PTPRT: variants seen among roughly 807,000 people sequenced by gnomAD.
PTPRT encodes protein tyrosine phosphatase receptor type T.
In PTPRT, 56 loss-of-function variants were observed where a neutral mutation model predicts 176.8. The ratio of observed to expected loss-of-function variants is 0.32; its 90% confidence interval spans 0.26 to 0.40. The LOEUF is 0.40. PTPRT is among the 10% of genes least tolerant of loss of function. The pLI is 1.00. For missense variants in PTPRT, 1,540 were observed against 1,908.2 expected (o/e 0.81, Z 3.60); for synonymous variants, 783 against 739.0 (o/e 1.06, Z -0.96).
intron 11 of PTPRT, among the ~76,000 whole-genome samples, chr20:42,348,774 G>A (rs2145505152): frequency 6.6e-6 from 1 of 152,310 alleles, no homozygotes; most frequent in South Asian, 2.1e-4. Context: ...ATGACAGCAT[G>A]TAGGCCTGCT....
chr20:42,069,513 T>A (rs1005519787), downstream of PTPRT, among the ~76,000 whole-genome samples: 1 of 152,218 alleles, frequency 6.6e-6, no homozygotes, highest in East Asian at 1.9e-4. Flanking sequence ...CATCATCTTA[T>A]CTGTTCTGCC....
At chr20:42,437,208 C>A (rs2059269850) in intron 9 of PTPRT, among the ~76,000 whole-genome samples, 1 of 151,996 alleles carries the variant, frequency 6.6e-6, no homozygotes, top group African/African-American at 2.4e-5. Context: ...GAAAAGAGAC[C>A]CATGCACAGA....
intron 1 of PTPRT, among the ~76,000 whole-genome samples, chr20:42,956,421 AGCC>A (rs1981641155): frequency 7.8e-6 from 1 of 127,946 alleles, no homozygotes; most frequent in African/African-American, 4.0e-5. Context: ...CTCCTACTCT[AGCC>A]GTGTGAGACA....
chr20:42,772,462 G>A (rs562345256), intron 4 of PTPRT, among the ~76,000 whole-genome samples: 2 of 152,166 alleles, frequency 1.3e-5, no homozygotes, highest in South Asian at 4.1e-4. Flanking sequence ...GGGTGTGTAT[G>A]AGCAGACAAT....
chr20:42,189,843 T>C (rs993870506), intron 16 of PTPRT, among the ~76,000 whole-genome samples: 6 of 152,246 alleles, frequency 3.9e-5, no homozygotes, highest in Non-Finnish European at 1.5e-5. Flanking sequence ...TTTTTAGTTT[T>C]AGTTTGATTA....
intron 22 of PTPRT, among the ~76,000 whole-genome samples, chr20:42,113,752 A>C (rs1987134662): frequency 6.6e-6 from 1 of 152,086 alleles, no homozygotes; most frequent in Admixed American, 6.5e-5. Context: ...GATATACCTC[A>C]TGTTTCTGAA....
At chr20:42,689,397 T>G (rs936951095) in intron 6 of PTPRT, among the ~76,000 whole-genome samples, 4 of 152,134 alleles carry the variant, frequency 2.6e-5, no homozygotes, top group Non-Finnish European at 4.4e-5. Flanking sequence ...CATCCTCCCC[T>G]TCTGGCTCCC....
intron 7 of PTPRT, among the ~76,000 whole-genome samples, chr20:42,635,891 G>T (rs1391615076): frequency 6.6e-6 from 1 of 152,106 alleles, no homozygotes; most frequent in Non-Finnish European, 1.5e-5. Context: ...CAAGCTGAGT[G>T]TCCACATTGG....
chr20:42,259,177 C>A (rs1040255121), intron 13 of PTPRT, among the ~76,000 whole-genome samples: 1 of 152,220 alleles, frequency 6.6e-6, no homozygotes, highest in Non-Finnish European at 1.5e-5. Context: ...TCCAGATAGA[C>A]CTTGTTTTAC....
At chr20:42,129,001 A>T (rs1485445612) in intron 18 of PTPRT, among the ~76,000 whole-genome samples, 171 bp from the exon 19 acceptor site, 2 of 152,168 alleles carry the variant, frequency 1.3e-5, no homozygotes, top group African/African-American at 4.8e-5. Context: ...GAGGAAGTGG[A>T]GGCTCAGGGA....
intron 2 of PTPRT, among the ~76,000 whole-genome samples, chr20:42,883,656 T>TGC (rs2079040339): frequency 7.9e-4 from 7 of 8,852 alleles, no homozygotes; most frequent in South Asian, 3.3e-3. Context: ...CACCGCCATA[T>TGC]ACACACACCC....
intron 16 of PTPRT, among the ~76,000 whole-genome samples, chr20:42,190,892 C>T (rs1226396161): frequency 6.6e-6 from 1 of 152,164 alleles, no homozygotes; most frequent in East Asian, 1.9e-4. Flanking sequence ...AGTTCCAGCT[C>T]TGCCATTTAA....
intron 11 of PTPRT, among the ~76,000 whole-genome samples, chr20:42,343,636 C>T (rs1312426378): frequency 6.6e-6 from 1 of 152,222 alleles, no homozygotes; most frequent in African/African-American, 2.4e-5. Context: ...AGTTCACAGA[C>T]TCATAGGCAC....
intron 7 of PTPRT, among the ~76,000 whole-genome samples, chr20:42,672,560 C>T (rs1233093346): frequency 6.6e-6 from 1 of 152,182 alleles, no homozygotes; most frequent in East Asian, 1.9e-4. Context: ...GGAGTATCAC[C>T]TTTGACTCCC....
At chr20:42,216,222 C>T (rs1021135547) in intron 15 of PTPRT, among the ~76,000 whole-genome samples, 2 of 151,758 alleles carry the variant, frequency 1.3e-5, no homozygotes, top group African/African-American at 2.4e-5. Context: ...CCATCTTAGA[C>T]CTTCAGTTGC....
chr20:42,268,520 G>A lies in PTPRT; in HGVS notation c.2176+13969C>T, dbSNP rs557600295. ...GTCACTTTTCTCCCACTGTCCATCT[G>A]CAACTCCCACCTCCCTTTGGGAAGG... On this transcript the variant is annotated intron_variant, in intron 13 of 30. Coordinates refer to ENST00000373187, the MANE Select transcript of PTPRT (RefSeq NM_007050.6). Among the ~76,000 whole-genome samples the A allele has an allele frequency of 1.7e-3, 259 of 152,294 alleles. 1 individual carries two copies. The highest frequency in any genetic ancestry group is 4.5e-3 in the African/African-American group (187 of 41,564).
At chr20:42,694,407 A>C (rs752901168) in intron 6 of PTPRT, among the ~76,000 whole-genome samples, 23 of 152,170 alleles carry the variant, frequency 1.5e-4, no homozygotes, top group Non-Finnish European at 2.6e-4. Flanking sequence ...TGTGATATAC[A>C]TATGGGTCTA....
chr20:43,050,753 C>T (rs1293926517), intron 1 of PTPRT, among the ~76,000 whole-genome samples: 3 of 152,210 alleles, frequency 2.0e-5, no homozygotes, highest in Admixed American at 2.0e-4. Context: ...TCACCCCTTT[C>T]CTGATAACAG....
intron 1 of PTPRT, among the ~76,000 whole-genome samples, chr20:42,930,362 C>A (rs1340708058): frequency 6.6e-6 from 1 of 152,218 alleles, no homozygotes; most frequent in Non-Finnish European, 1.5e-5. Context: ...CCATATCATT[C>A]ATTCAACAAA....
Sources: allele counts gnomAD v4.1 joint callset (sites outside exome capture counted in the v4.1 genomes callset), GRCh38; gene constraint gnomAD v4.1.1; transcripts MANE v1.5; gene names NCBI Gene and HGNC (gene_info 2026-07-23, HGNC 2026-07-21).